Variants in CREB5 observed in about 807,000 individuals in gnomAD.
The protein encoded by CREB5 is cyclic AMP-responsive element-binding protein 5.
Under a neutral mutation model 57.1 loss-of-function variants are expected in CREB5, and 19 were observed. The observed-to-expected ratio is 0.33, with a 90% CI of 0.23 to 0.49. The LOEUF is 0.49. Among genes scored for constraint, CREB5 ranks in the 20% least tolerant of loss-of-function variants. CREB5 has a pLI of 0.99. For synonymous variants in CREB5, 238 were observed against 238.3 expected, an observed-to-expected ratio of 1.00 and a Z score of 0.01; for missense variants, 579 against 671.6, an observed-to-expected ratio of 0.86 and a Z score of 1.52.
intron 3 of CREB5, among the ~76,000 whole-genome samples, chr7:28,507,254 A>G (rs1450794695): frequency 6.6e-6 from 1 of 152,098 alleles, no homozygotes. Context: ...TTTTAGCAAA[A>G]TCATTTTCTT....
chr7:28,593,300 G>C (rs1308576935), intron 5 of CREB5, among the ~76,000 whole-genome samples: 1 of 152,178 alleles, frequency 6.6e-6, no homozygotes, highest in Admixed American at 6.5e-5. Context: ...TCAGGACGGA[G>C]TTCAGTGGCA....
intron 1 of CREB5, among the ~76,000 whole-genome samples, chr7:28,396,178 A>T (rs887884408): frequency 6.6e-6 from 1 of 152,210 alleles, no homozygotes; most frequent in Non-Finnish European, 1.5e-5. Flanking sequence ...AGACTGTAGC[A>T]AACATGATTC....
At chr7:28,742,779 A>C (rs1434860315) in intron 7 of CREB5, among the ~76,000 whole-genome samples, 1 of 151,536 alleles carries the variant, frequency 6.6e-6, no homozygotes, top group African/African-American at 2.4e-5. Context: ...GCTTTTTCTT[A>C]TTTTGCTTTT....
chr7:28,435,495 G>C (rs186932176), intron 1 of CREB5: 17 of 280,616 alleles, frequency 6.1e-5, no homozygotes, highest in African/African-American at 3.8e-4. Flanking sequence ...TCTAGCTTCT[G>C]CTGGGCCGGC....
intron 1 of CREB5, among the ~76,000 whole-genome samples, chr7:28,356,785 C>T (rs1320980291): frequency 1.3e-5 from 2 of 152,194 alleles, no homozygotes; most frequent in Non-Finnish European, 2.9e-5. Flanking sequence ...AAAGGGCACA[C>T]ACACACTGTT....
intron 5 of CREB5, among the ~76,000 whole-genome samples, chr7:28,638,555 C>T (rs1042604389): frequency 9.9e-5 from 15 of 152,104 alleles, no homozygotes; most frequent in African/African-American, 3.6e-4. Flanking sequence ...TCATTTTGCC[C>T]AGGTTGATCT....
rs191773283 is a variant in CREB5, at chr7:28,795,842, G to A, written c.703-8357G>A. Among the ~76,000 whole-genome samples the A allele has an allele frequency of 2.6e-3, 374 of 146,342 alleles. 1 individual carries two copies. Among genetic ancestry groups the A allele is most frequent in the African/African-American group, 8.3e-3 (323 of 39,102 alleles). Reference sequence around the variant, plus strand: ...ATCTCGGCTCACTGCAACCTCCACCGCCCGGAATTCAAGCAATTCTCCTGC... The same window carrying A: ...ATCTCGGCTCACTGCAACCTCCACCACCCGGAATTCAAGCAATTCTCCTGC... On this transcript the variant is annotated intron_variant, in intron 7 of 10. Transcript: ENST00000357727.
At chr7:28,382,840 T>A (rs1186013456) in intron 1 of CREB5, among the ~76,000 whole-genome samples, 1 of 151,794 alleles carries the variant, frequency 6.6e-6, no homozygotes, top group African/African-American at 2.4e-5. Context: ...AACGGGGTCA[T>A]TATCTTATTT....
At chr7:28,339,978 C>T (rs1245903680) in intron 1 of CREB5, among the ~76,000 whole-genome samples, 2 of 152,180 alleles carry the variant, frequency 1.3e-5, no homozygotes, top group Non-Finnish European at 2.9e-5. Flanking sequence ...GGCCCAAGAG[C>T]TCTTTAGTTA....
intron 1 of CREB5, among the ~76,000 whole-genome samples, chr7:28,317,633 T>C (rs532296859): frequency 6.6e-6 from 1 of 152,252 alleles, no homozygotes; most frequent in Admixed American, 6.5e-5. Flanking sequence ...TTCATTTACT[T>C]GTTTGATTCC....
intron 7 of CREB5, among the ~76,000 whole-genome samples, chr7:28,776,728 G>A (rs972269130): frequency 6.6e-5 from 10 of 152,258 alleles, no homozygotes; most frequent in African/African-American, 9.6e-5. Context: ...GTCTGGCAAC[G>A]AGTAATCTAC....
At chr7:28,801,200 T>C (rs1808342977) in intron 7 of CREB5, among the ~76,000 whole-genome samples, 1 of 152,186 alleles carries the variant, frequency 6.6e-6, no homozygotes, top group African/African-American at 2.4e-5. Flanking sequence ...GGATATGTGG[T>C]GGTTACATCT....
chr7:28,759,378 G>A lies in CREB5; in HGVS notation c.702+35046G>A, dbSNP rs73308804. 8.1e-3 allele frequency among the ~76,000 whole-genome samples: 1,236 copies of A among 152,180 alleles called. 18 individuals carry two copies. Among genetic ancestry groups the A allele is most frequent in the African/African-American group, 0.028 (1,181 of 41,508 alleles). On this transcript the variant is annotated intron_variant, in intron 7 of 10. Transcript: ENST00000357727. ...GCCAGCTATGTGAACTCTGAGTTTG[G>A]TTATTTATACTTACATGGGGCTTCT...
At chr7:28,365,803 T>C (rs77780490) in intron 1 of CREB5, among the ~76,000 whole-genome samples, 1 of 152,234 alleles carries the variant, frequency 6.6e-6, no homozygotes, top group East Asian at 1.9e-4. Context: ...TATTTTTTTT[T>C]CTTTTGGCTT....
chr7:28,588,599 C>A (rs2128662090), intron 5 of CREB5, among the ~76,000 whole-genome samples: 1 of 152,270 alleles, frequency 6.6e-6, no homozygotes, highest in African/African-American at 2.4e-5. Flanking sequence ...AATACGCATC[C>A]TTCATTCAGC....
rs538240636 is a variant in CREB5, at chr7:28,720,757, C to T, written c.591+1878C>T. ...GCAATTATCCCACATTTTATTCAAC[C>T]CAACCAACTACGTGAAGACTTCCAC... On this transcript the variant is annotated intron_variant, in intron 6 of 10. Coordinates refer to ENST00000357727, the MANE Select transcript of CREB5 (RefSeq NM_182898.4). Among the ~76,000 whole-genome samples the T allele has an allele frequency of 1.2e-4, 18 of 152,124 alleles. 1 individual carries two copies. Among genetic ancestry groups the T allele is most frequent in the Non-Finnish European group, 2.2e-4 (15 of 68,030 alleles).
chr7:28,522,105 C>T (rs1793230171), intron 4 of CREB5, among the ~76,000 whole-genome samples: 1 of 152,010 alleles, frequency 6.6e-6, no homozygotes, highest in Non-Finnish European at 1.5e-5. Flanking sequence ...TGTTTTTGCC[C>T]CCATTTTACA....
chr7:28,374,348 CT>C (rs1319357627), intron 1 of CREB5, among the ~76,000 whole-genome samples: 2 of 152,182 alleles, frequency 1.3e-5, no homozygotes, highest in Non-Finnish European at 2.9e-5. Context: ...GACCTAGCAA[CT>C]TCATTCCAAA....
chr7:28,734,340 A>G (rs73075771), intron 7 of CREB5, among the ~76,000 whole-genome samples: 1 of 152,036 alleles, frequency 6.6e-6, no homozygotes, highest in Non-Finnish European at 1.5e-5. Context: ...AATGTGTTAA[A>G]ATGAAAATTT....
Sources: gnomAD v4.1 joint callset for allele counts (sites outside exome capture counted in the v4.1 genomes callset) on GRCh38, gnomAD v4.1.1 for gene constraint, MANE v1.5 for transcripts, NCBI Gene and HGNC (gene_info 2026-07-23, HGNC 2026-07-21) for gene names.